Variants in NLGN1 observed in about 807,000 individuals in gnomAD.
NLGN1 encodes neuroligin-1.
NLGN1 carries 12 observed loss-of-function variants against 65.5 expected under a neutral mutation model. That is an observed-to-expected ratio of 0.18 (90% CI 0.12 to 0.30). The LOEUF (loss-of-function observed/expected upper bound fraction) is 0.30. Among genes scored for constraint, NLGN1 ranks in the 10% least tolerant of loss-of-function variants. The pLI is 1.00. For missense variants in NLGN1, 750 were observed against 1,007.1 expected, an observed-to-expected ratio of 0.74 and a Z score of 3.46; for synonymous variants, 350 against 359.5, an observed-to-expected ratio of 0.97 and a Z score of 0.30.
chr3:173,931,062 T>C (rs1743995182), intron 4 of NLGN1, among the ~76,000 whole-genome samples: 1 of 152,210 alleles, frequency 6.6e-6, no homozygotes, highest in South Asian at 2.1e-4. Flanking sequence ...TTCAGTACAT[T>C]TATGGAGCCT....
Position 174,177,859 on chromosome 3 carries a change from C to G in NLGN1, c.647-97456C>G, listed in dbSNP as rs1729725723. 2.6e-5 allele frequency among the ~76,000 whole-genome samples: 4 copies of G among 152,126 alleles called. No homozygotes were observed. The South Asian group carries it at 8.3e-4, about 32-fold the overall frequency. Reference sequence around the variant, plus strand: ...ATTCTTCATGTTGGAATTAGTCTTTCACCATAATGTAACAACAGCCTAGAC... The same window carrying G: ...ATTCTTCATGTTGGAATTAGTCTTTGACCATAATGTAACAACAGCCTAGAC... On this transcript the variant is annotated intron_variant, in intron 4 of 6. Transcript: ENST00000457714.
intron 4 of NLGN1, among the ~76,000 whole-genome samples, chr3:173,883,366 A>G (rs1315601394): frequency 6.6e-6 from 1 of 152,180 alleles, no homozygotes; most frequent in African/African-American, 2.4e-5. Flanking sequence ...GCATTCTTAT[A>G]TGGGTGTGGT....
At position 174,280,511 on chromosome 3, in the gene NLGN1, G is replaced by A. The variant is rs747826638; in HGVS notation, c.1680G>A (p.Thr560=). The A allele has an allele frequency of 3.2e-5, 51 of 1,610,890 alleles. No homozygotes were observed. The highest frequency in any genetic ancestry group is 2.4e-4 in the South Asian group (22 of 90,678). ...CAAATCAACCAGTCCCTCAAGACACGAAATTCATTCATACCAAACCCAACC... is the reference window on the plus strand; with the variant it reads ...CAAATCAACCAGTCCCTCAAGACACAAAATTCATTCATACCAAACCCAACC... Residue 560 remains threonine, a synonymous_variant, in exon 7 of 7, where the codon ACG becomes ACA. Transcript: ENST00000457714. This position sits in a 1 kb window ranked among gnomAD's most constrained non-coding sequence, Gnocchi z 4.9.
intron 4 of NLGN1, among the ~76,000 whole-genome samples, chr3:173,903,892 A>G (rs985760814): frequency 6.6e-6 from 1 of 152,142 alleles, no homozygotes; most frequent in Non-Finnish European, 1.5e-5. Context: ...TGTGCCCTCT[A>G]GAAGTTGGCT....
chr3:174,188,683 T>A (rs1460792801), intron 4 of NLGN1, among the ~76,000 whole-genome samples: 1 of 152,042 alleles, frequency 6.6e-6, no homozygotes, highest in Admixed American at 6.6e-5. Flanking sequence ...AGAGACTATT[T>A]ATAAACTCAC....
At chr3:173,837,923 T>A (rs1723971713) in intron 4 of NLGN1, among the ~76,000 whole-genome samples, 1 of 152,202 alleles carries the variant, frequency 6.6e-6, no homozygotes, top group Non-Finnish European at 1.5e-5. Flanking sequence ...GATTTGAAAT[T>A]TTTTTGTAGC....
intron 4 of NLGN1, among the ~76,000 whole-genome samples, chr3:173,967,879 C>T (rs1335764307): frequency 6.6e-6 from 1 of 151,870 alleles, no homozygotes; most frequent in Non-Finnish European, 1.5e-5. Context: ...AAAGCTTAGC[C>T]CTAGCATGAA....
At chr3:173,880,953 G>A (rs1377991195) in intron 4 of NLGN1, among the ~76,000 whole-genome samples, 3 of 152,030 alleles carry the variant, frequency 2.0e-5, no homozygotes, top group African/African-American at 7.3e-5. Flanking sequence ...TCAACTATAT[G>A]CACAGCATCT....
intron 4 of NLGN1, among the ~76,000 whole-genome samples, chr3:174,200,861 C>G (rs971180488): frequency 3.3e-5 from 5 of 152,080 alleles, no homozygotes; most frequent in Non-Finnish European, 5.9e-5. Context: ...TTACATGGAG[C>G]AAAAATCACT....
chr3:174,128,978 G>T (rs969496132), intron 4 of NLGN1, among the ~76,000 whole-genome samples: 3 of 152,136 alleles, frequency 2.0e-5, no homozygotes, highest in Non-Finnish European at 4.4e-5. Flanking sequence ...CCTGTGGAGA[G>T]CAGAACGTTG....
At chr3:174,226,844 C>A (rs192333265) in intron 4 of NLGN1, among the ~76,000 whole-genome samples, 28 of 152,244 alleles carry the variant, frequency 1.8e-4, no homozygotes, top group Admixed American at 1.0e-3. Context: ...TCCAAATTGG[C>A]AGTTCAGGGA....
intron 4 of NLGN1, among the ~76,000 whole-genome samples, chr3:173,954,004 T>A (rs1321649588): frequency 2.0e-5 from 3 of 152,178 alleles, no homozygotes; most frequent in Admixed American, 6.5e-5. Context: ...AGTGATGAAC[T>A]TGTAACACTT....
intron 3 of NLGN1, among the ~76,000 whole-genome samples, chr3:173,682,382 G>C (rs1764064774): frequency 6.6e-6 from 1 of 151,964 alleles, no homozygotes; most frequent in South Asian, 2.1e-4. Flanking sequence ...GAGGTCAAGA[G>C]ATCGAGACCA....
chr3:173,587,625 T>TA, intron 2 of NLGN1, among the ~76,000 whole-genome samples: 1 of 152,294 alleles, frequency 6.6e-6, no homozygotes, highest in South Asian at 2.1e-4. Flanking sequence ...ATGGTAGCCT[T>TA]GATGAGTTGT....
At chr3:174,065,727 AC>A (rs1308499770) in intron 4 of NLGN1, among the ~76,000 whole-genome samples, 7 of 151,720 alleles carry the variant, frequency 4.6e-5, no homozygotes, top group African/African-American at 1.5e-4. Flanking sequence ...AAAAAAAAAA[AC>A]AACATGACAT....
chr3:173,722,729 G>T (rs1174242540), intron 3 of NLGN1, among the ~76,000 whole-genome samples: 1 of 151,968 alleles, frequency 6.6e-6, no homozygotes, highest in Non-Finnish European at 1.5e-5. Flanking sequence ...TTTCATCAAT[G>T]TTTAATGGCA....
intron 4 of NLGN1, among the ~76,000 whole-genome samples, chr3:173,911,213 C>T (rs77028248): frequency 1.1e-4 from 17 of 152,098 alleles, no homozygotes; most frequent in African/African-American, 3.6e-4. Context: ...CTGTTACAAG[C>T]GCCAGTGCTT....
chr3:173,961,874 C>T (rs1713660468), intron 4 of NLGN1, among the ~76,000 whole-genome samples: 1 of 152,118 alleles, frequency 6.6e-6, no homozygotes, highest in Admixed American at 6.6e-5. Context: ...GGAGGTCTCT[C>T]CTGCCTACTC....
intron 4 of NLGN1, among the ~76,000 whole-genome samples, chr3:174,035,081 A>G (rs965476597): frequency 6.6e-6 from 1 of 152,168 alleles, no homozygotes; most frequent in African/African-American, 2.4e-5. Flanking sequence ...CATAAAAAGC[A>G]CCTGCTCTGT....
Sources: allele counts gnomAD v4.1 joint callset (sites outside exome capture counted in the v4.1 genomes callset), GRCh38; gene constraint gnomAD v4.1.1; non-coding constraint Gnocchi (gnomAD v3.1); transcripts MANE v1.5; gene names NCBI Gene and HGNC (gene_info 2026-07-23, HGNC 2026-07-21).